The following PTPN5 variants were observed in gnomAD, a reference collection of about 807,000 sequenced individuals.
PTPN5 encodes protein tyrosine phosphatase non-receptor type 5.
A neutral mutation model predicts 73.9 loss-of-function variants in PTPN5; 29 were observed. The observed-to-expected ratio is 0.39, with a 90% CI of 0.29 to 0.54. PTPN5 has a LOEUF of 0.54. PTPN5 is among the 20% of genes least tolerant of loss of function. PTPN5 has a pLI of 0.65. For missense variants in PTPN5, 652 were observed against 751.4 expected, an observed-to-expected ratio of 0.87 and a Z score of 1.55; for synonymous variants, 267 against 304.7, an observed-to-expected ratio of 0.88 and a Z score of 1.29.
intron 1 of PTPN5, among the ~76,000 whole-genome samples, chr11:18,777,429 A>G (rs1446032010): frequency 7.6e-6 from 1 of 131,388 alleles, no homozygotes; most frequent in African/African-American, 2.9e-5. Flanking sequence ...AGGGCCAGGA[A>G]GCTCCTAAAA....
intron 9 of PTPN5, among the ~76,000 whole-genome samples, chr11:18,735,841 G>C (rs77825384): frequency 0.011 from 1,633 of 152,138 alleles, 26 homozygotes; most frequent in African/African-American, 0.037. Flanking sequence ...TTAAGGAAGA[G>C]AATGACACAA....
chr11:18,741,594 G>A (rs934480938), intron 7 of PTPN5, among the ~76,000 whole-genome samples: 2 of 152,124 alleles, frequency 1.3e-5, no homozygotes, highest in Non-Finnish European at 2.9e-5. Flanking sequence ...ACTCTGAAAC[G>A]AGGGTGTCTA....
At chr11:18,760,496 T>C (rs1390712254) in intron 3 of PTPN5, among the ~76,000 whole-genome samples, 1 of 152,080 alleles carries the variant, frequency 6.6e-6, no homozygotes, top group Non-Finnish European at 1.5e-5. Flanking sequence ...TAGGGCTGGG[T>C]TGGGGACAGG....
At chr11:18,787,566 T>C (rs747497750) in intron 1 of PTPN5, among the ~76,000 whole-genome samples, 3 of 152,214 alleles carry the variant, frequency 2.0e-5, no homozygotes, top group Non-Finnish European at 4.4e-5. Context: ...TCAGGTTCCT[T>C]GAAGACACCA....
chr11:18,779,226 G>A lies in PTPN5; in HGVS notation c.-113-7155C>T, dbSNP rs546511339. Reference sequence around the variant, plus strand: ...GTGCTCAGGCCTGGCTCACGTCATGGCAACCTGGGAAGATCTTGGCATCTT... The same window carrying A: ...GTGCTCAGGCCTGGCTCACGTCATGACAACCTGGGAAGATCTTGGCATCTT... On this transcript the variant is annotated intron_variant, in intron 1 of 14. Transcript: ENST00000358540. Among the ~76,000 whole-genome samples the A allele has an allele frequency of 8.5e-5, 13 of 152,248 alleles. No individual in the cohort carries two copies. In the South Asian group the frequency reaches 2.7e-3, roughly 32 times the overall value.
At chr11:18,743,470 C>T in intron 4 of PTPN5, 41 bp from the exon 5 acceptor site, 1 of 1,573,884 alleles carries the variant, frequency 6.4e-7, no homozygotes, top group Non-Finnish European at 8.7e-7. Flanking sequence ...AGCCGGCCCC[C>T]TTCCCCCGTG....
chr11:18,736,664 G>A (rs568327936), intron 9 of PTPN5, among the ~76,000 whole-genome samples: 7 of 152,296 alleles, frequency 4.6e-5, no homozygotes, highest in African/African-American at 7.2e-5. Flanking sequence ...ATTCTTGCTG[G>A]ACACAGACAA....
At chr11:18,761,114 C>A (rs1850366660) in intron 3 of PTPN5, among the ~76,000 whole-genome samples, 1 of 152,150 alleles carries the variant, frequency 6.6e-6, no homozygotes, top group South Asian at 2.1e-4. Context: ...CAGGACTGAG[C>A]AGGGGTGGTA....
intron 3 of PTPN5, 74 bp downstream of exon 3, chr11:18,765,733 C>T: frequency 1.9e-6 from 2 of 1,027,442 alleles, no homozygotes; most frequent in Non-Finnish European, 3.0e-6. Context: ...GGCTTTACTC[C>T]AGCCCCAGCT....
At chr11:18,767,881 C>T (rs752253092) in intron 2 of PTPN5, among the ~76,000 whole-genome samples, 3 of 152,230 alleles carry the variant, frequency 2.0e-5, no homozygotes, top group Non-Finnish European at 4.4e-5. Context: ...TTGACCTCTG[C>T]ACTCCAGCCA....
rs75806012 is a variant in PTPN5, at chr11:18,742,590, C to T, written c.484-87G>A. On this transcript the variant is annotated intron_variant, in intron 6 of 14. Coordinates refer to ENST00000358540, the MANE Select transcript of PTPN5 (RefSeq NM_006906.2). This position sits in a 1 kb window ranked among gnomAD's most constrained non-coding sequence, Gnocchi z 4.1. ...AGTGCCCATGGGATTGACGCCCCCC[C>T]ACTCCCTCAGTGTGTCTAGAGCAGC... 1.5e-4 allele frequency: 236 copies of T among 1,546,634 alleles called. No homozygotes were observed. In the African/African-American group the frequency reaches 2.9e-3, roughly 19 times the overall value.
In PTPN5 at chr11:18,733,601, G is replaced by A. The variant is rs1196812004; in HGVS notation, c.1035C>T (p.Asp345=). Residue 345 remains aspartate, a synonymous_variant, in exon 10 of 15, where the codon GAC becomes GAT. Transcript: ENST00000358540. This position sits in a 1 kb window ranked among gnomAD's most constrained non-coding sequence, Gnocchi z 4.3. ...TGTAGGAACTCAGAGGGTCGTCAGG[G>A]TCTGGTGAGGTCAGACACACTCTGC... ...PHSRVCLTSP[D]PDDPLSSYIN... The A allele has an allele frequency of 6.2e-7, 1 of 1,614,258 alleles. No individual in the cohort carries two copies.
chr11:18,789,545 A>G (rs886912839), intron 1 of PTPN5, among the ~76,000 whole-genome samples: 1 of 152,212 alleles, frequency 6.6e-6, no homozygotes, highest in African/African-American at 2.4e-5. Context: ...AGCCAATGCC[A>G]TCTACATGGA....
rs566698585 is a variant in PTPN5 at position 18,734,127 on chromosome 11, T to C, written c.1001-492A>G. ...TTGCTTGGGCTGTTGGGAAGATGAA[T>C]GAGAAAAGAGATGTGAAAGTTCTGT... On this transcript the variant is annotated intron_variant, in intron 9 of 14. Coordinates refer to ENST00000358540, the MANE Select transcript of PTPN5 (RefSeq NM_006906.2). 2.0e-5 allele frequency among the ~76,000 whole-genome samples: 3 copies of C among 152,274 alleles called. No individual in the cohort carries two copies. The South Asian group carries it at 6.2e-4, about 32-fold the overall frequency.
At position 18,771,963 on chromosome 11, in the gene PTPN5, A is replaced by G; in HGVS notation, c.-5T>C. 1 of 1,575,266 alleles carries G rather than the reference A, an allele frequency of 6.3e-7. No individual in the cohort carries two copies. The highest frequency in any genetic ancestry group is 1.2e-5 in the South Asian group (1 of 83,356). On this transcript the variant is annotated 5_prime_UTR_variant, in exon 2 of 15. Coordinates refer to ENST00000358540, the MANE Select transcript of PTPN5 (RefSeq NM_006906.2). ...CCTGGCTCCCTCATAATTCATTCCCAAGGTGTCTGGATGGGGAAGGGTGCC... is the reference window on the plus strand; with the variant it reads ...CCTGGCTCCCTCATAATTCATTCCCGAGGTGTCTGGATGGGGAAGGGTGCC...
Position 18,730,013 on chromosome 11 carries a change from G to A in PTPN5, c.1330-195C>T, listed in dbSNP as rs747922787. The A allele has an allele frequency of 3.2e-5, 22 of 677,310 alleles. 1 individual carries two copies. Among genetic ancestry groups the A allele is most frequent in the South Asian group, 5.5e-5 (3 of 54,622 alleles). The allele number at this position is 677,310 out of a possible 1,614,324, so 42.0% of individuals were successfully genotyped here. On this transcript the variant is annotated intron_variant, in intron 12 of 14. Transcript: ENST00000358540. ...ACCCAAAGCCAGCTTGGTTTTGGGG[G>A]TTGGTCAGCAGCGTTGGCATGGATC...
At chr11:18,760,517 T>C (rs1036301132) in intron 3 of PTPN5, among the ~76,000 whole-genome samples, 7 of 152,124 alleles carry the variant, frequency 4.6e-5, no homozygotes, top group Admixed American at 3.9e-4. Context: ...TTGCAAGACA[T>C]CAGGATCTAA....
At chr11:18,773,128 G>GTGTGGTGTGGGATGGGACAATCCAC (rs368160544) in intron 1 of PTPN5, among the ~76,000 whole-genome samples, 2,488 of 152,200 alleles carry the variant, frequency 0.016, 67 homozygotes, top group African/African-American at 0.057. Context: ...TGGAAAGGGG[G>GTGTGGTGTGGGATGGGACAATCCAC]TGAACCGCTC....
chr11:18,757,958 G>A (rs184389179), intron 3 of PTPN5, among the ~76,000 whole-genome samples: 1 of 152,284 alleles, frequency 6.6e-6, no homozygotes, highest in East Asian at 1.9e-4. Context: ...GTAGCAGGGA[G>A]GAGAGCCAAA....
Sources: gnomAD v4.1 joint callset for allele counts (sites outside exome capture counted in the v4.1 genomes callset) on GRCh38, gnomAD v4.1.1 for gene constraint, Gnocchi (gnomAD v3.1) non-coding constraint, MANE v1.5 for transcripts, NCBI Gene and HGNC (gene_info 2026-07-23, HGNC 2026-07-21) for gene names.